BMERB1: variants seen among roughly 807,000 people sequenced by gnomAD.
BMERB1 encodes the protein bMERB domain containing 1, also known as bMERB domain-containing protein 1.
BMERB1 carries 12 observed loss-of-function variants against 23.6 expected under a neutral mutation model. The ratio of observed to expected loss-of-function variants is 0.51; its 90% CI spans 0.33 to 0.82. The LOEUF is 0.82. BMERB1 is among the 40% of genes least tolerant of loss of function. The pLI, the probability that BMERB1 is intolerant of heterozygous loss-of-function variation, is 0.03. For synonymous variants in BMERB1, 122 were observed against 96.6 expected (o/e 1.26, Z -1.54); for missense variants, 247 against 255.4 (o/e 0.97, Z 0.22).
intron 3 of BMERB1, among the ~76,000 whole-genome samples, chr16:15,570,841 C>G (rs1567503264): frequency 6.6e-6 from 1 of 151,896 alleles, no homozygotes; most frequent in Non-Finnish European, 1.5e-5. Context: ...CCTTTTTAGA[C>G]CATGTAGGGT....
In BMERB1 at chr16:15,434,600, C is replaced by T. The variant is rs2050870224; in HGVS notation, c.-54C>T. 5 of 1,539,168 alleles carry T rather than the reference C, an allele frequency of 3.2e-6. No homozygotes were observed. The highest frequency in any genetic ancestry group is 4.5e-6 in the Non-Finnish European group (5 of 1,112,630). On this transcript the variant is annotated 5_prime_UTR_variant, in exon 1 of 6. Transcript: ENST00000300006. ...TGGAGCCACCTCCCTCCCTGCAGCCCGCAACGGGAATGGAGTAAAGGGAGA... is the reference window on the plus strand; with the variant it reads ...TGGAGCCACCTCCCTCCCTGCAGCCTGCAACGGGAATGGAGTAAAGGGAGA...
intron 2 of BMERB1, among the ~76,000 whole-genome samples, chr16:15,519,467 T>C (rs2051822720): frequency 6.6e-6 from 1 of 152,172 alleles, no homozygotes; most frequent in African/African-American, 2.4e-5. Flanking sequence ...CTCGGCTCAC[T>C]GCAACCTCCG....
intron 1 of BMERB1, among the ~76,000 whole-genome samples, chr16:15,449,609 G>A (rs2051023490): frequency 6.6e-6 from 1 of 151,682 alleles, no homozygotes; most frequent in South Asian, 2.1e-4. Flanking sequence ...GCAATGGTGT[G>A]ATCTCAGCTC....
intron 1 of BMERB1, among the ~76,000 whole-genome samples, chr16:15,452,331 G>GGAGAGAGGGAGGGAGAGA (rs532543517): frequency 9.8e-5 from 13 of 132,878 alleles, no homozygotes; most frequent in South Asian, 2.4e-4. Flanking sequence ...AGGGAGGGAG[G>GGAGAGAGGGAGGGAGAGA]GAGAGAGAGA....
At chr16:15,497,327 C>T (rs1196330615) in intron 1 of BMERB1, among the ~76,000 whole-genome samples, 1 of 152,074 alleles carries the variant, frequency 6.6e-6, no homozygotes, top group African/African-American at 2.4e-5. Flanking sequence ...GGAAGCAATC[C>T]CGATGAATGA....
intron 1 of BMERB1, among the ~76,000 whole-genome samples, chr16:15,489,058 G>T (rs943473091): frequency 6.6e-6 from 1 of 152,092 alleles, no homozygotes; most frequent in South Asian, 2.1e-4. Context: ...TTTCCCCCAG[G>T]GGGGTTCACA....
intron 2 of BMERB1, among the ~76,000 whole-genome samples, chr16:15,567,305 T>C (rs568143463): frequency 2.6e-5 from 4 of 152,360 alleles, no homozygotes; most frequent in East Asian, 3.9e-4. Context: ...AGAGGGAGAC[T>C]TTCCTCTATG....
chr16:15,567,740 G>A (rs933093235), intron 2 of BMERB1, among the ~76,000 whole-genome samples: 1 of 152,116 alleles, frequency 6.6e-6, no homozygotes, highest in African/African-American at 2.4e-5. Context: ...TCCAGCCTGG[G>A]CAACAGAGTG....
At chr16:15,512,116 T>A (rs970749742) in intron 1 of BMERB1, among the ~76,000 whole-genome samples, 1 of 151,720 alleles carries the variant, frequency 6.6e-6, no homozygotes, top group Non-Finnish European at 1.5e-5. Context: ...TTACCTTCTT[T>A]CTGTCTCTTT....
At chr16:15,577,668 A>G (rs74009187) in intron 3 of BMERB1, among the ~76,000 whole-genome samples, 2 of 132,392 alleles carry the variant, frequency 1.5e-5, no homozygotes, top group Admixed American at 7.0e-5. Context: ...ATGTTGGCAT[A>G]TTCCAGGGTT....
intron 1 of BMERB1, among the ~76,000 whole-genome samples, chr16:15,514,185 C>T (rs1277074103): frequency 1.3e-5 from 2 of 152,048 alleles, no homozygotes; most frequent in Admixed American, 6.6e-5. Context: ...GGAAGGGTCC[C>T]TTGAGCCCAG....
chr16:15,463,694 T>G (rs887814430), intron 1 of BMERB1, among the ~76,000 whole-genome samples: 1 of 152,128 alleles, frequency 6.6e-6, no homozygotes, highest in Admixed American at 6.6e-5. Context: ...GATGTCACTT[T>G]GGGAGAACAT....
chr16:15,439,204 A>G (rs55924579), intron 1 of BMERB1, among the ~76,000 whole-genome samples: 2,910 of 152,320 alleles, frequency 0.019, 47 homozygotes, highest in Non-Finnish European at 0.026. Context: ...TTTTGAAGTT[A>G]GGCTGAATGA....
intron 1 of BMERB1, among the ~76,000 whole-genome samples, chr16:15,456,630 A>C (rs1045940707): frequency 1.3e-5 from 2 of 151,884 alleles, no homozygotes; most frequent in East Asian, 3.9e-4. Flanking sequence ...TCAGCCAAAA[A>C]AAGTATCTTG....
chr16:15,498,924 T>C (rs1364723179), intron 1 of BMERB1, among the ~76,000 whole-genome samples: 5 of 152,206 alleles, frequency 3.3e-5, no homozygotes, highest in African/African-American at 1.2e-4. Flanking sequence ...CAACTCCAAA[T>C]GTCAAAGCAC....
At chr16:15,481,069 C>T (rs2051317117) in intron 1 of BMERB1, among the ~76,000 whole-genome samples, 1 of 152,096 alleles carries the variant, frequency 6.6e-6, no homozygotes, top group African/African-American at 2.4e-5. Flanking sequence ...TATGGTAGAA[C>T]TTTAGAGCAA....
intron 1 of BMERB1, chr16:15,502,170 C>T: frequency 1.1e-6 from 1 of 918,698 alleles, no homozygotes; most frequent in Admixed American, 2.2e-5. Flanking sequence ...GTGCGTCCTC[C>T]TGAATTACTT....
At chr16:15,581,009 G>A (rs755024036) in intron 3 of BMERB1, among the ~76,000 whole-genome samples, 11 of 151,748 alleles carry the variant, frequency 7.2e-5, no homozygotes, top group Non-Finnish European at 8.8e-5. Context: ...CAATTCTCCC[G>A]CCTCCCGAGG....
chr16:15,580,288 A>G (rs2030975228), intron 3 of BMERB1, among the ~76,000 whole-genome samples: 1 of 151,986 alleles, frequency 6.6e-6, no homozygotes. Context: ...TTTTGTAGAC[A>G]TAGGAGGGTC....
Sources: gnomAD v4.1 joint callset for allele counts (sites outside exome capture counted in the v4.1 genomes callset) on GRCh38, gnomAD v4.1.1 for gene constraint, MANE v1.5 for transcripts, NCBI Gene and HGNC (gene_info 2026-07-23, HGNC 2026-07-21) for gene names.